WDPCP: variants seen among roughly 807,000 people sequenced by gnomAD.
WDPCP encodes WD repeat containing planar cell polarity effector.
In WDPCP, 71 loss-of-function variants were observed where a neutral mutation model predicts 93.1. The observed-to-expected ratio is 0.76, with a 90% confidence interval of 0.63 to 0.93. The LOEUF (loss-of-function observed/expected upper bound fraction) is 0.93. WDPCP is among the 40% of genes least tolerant of loss of function. The pLI is 0.00. For synonymous variants in WDPCP, 315 were observed against 315.0 expected (o/e 1.00, Z 0.00); for missense variants, 844 against 887.4 (o/e 0.95, Z 0.62).
Position 63,487,457 on chromosome 2 carries a change from T to C in WDPCP, c.198A>G (p.Lys66=), listed in dbSNP as rs1259050276. The change falls in exon 3 of 18, where the codon AAA becomes AAG. Residue 66 remains lysine, a synonymous_variant. Transcript: ENST00000272321. ...DIGIYQYYDK[K]DPPATEHGNL... ...GAATAGGTACTTTACCTGGTGGATCTTTCTTGTCATAATACTGGTAGATCC... is the reference window on the plus strand; with the variant it reads ...GAATAGGTACTTTACCTGGTGGATCCTTCTTGTCATAATACTGGTAGATCC... 3.1e-6 allele frequency: 5 copies of C among 1,590,500 alleles called. No individual in the cohort carries two copies. The highest frequency in any genetic ancestry group is 4.3e-6 in the Non-Finnish European group (5 of 1,160,184).
At position 63,418,008 on chromosome 2, in the gene WDPCP, A is replaced by G. The variant is rs1054001763; in HGVS notation, c.826-13351T>C. Among the ~76,000 whole-genome samples the G allele has an allele frequency of 6.6e-5, 10 of 152,192 alleles. No individual in the cohort carries two copies. In the East Asian group the frequency reaches 1.9e-3, roughly 29 times the overall value. ...AATACCTGCATTTTAGCAGCTTTAA[A>G]GTTATTAGAGTATACTCTGTTGACT... On this transcript the variant is annotated intron_variant, in intron 9 of 17. Transcript: ENST00000272321.
chr2:63,811,892 C>G (rs1029890025), intron 2 of WDPCP, among the ~76,000 whole-genome samples: 1 of 152,066 alleles, frequency 6.6e-6, no homozygotes, highest in Non-Finnish European at 1.5e-5. Flanking sequence ...GAGACAGGGT[C>G]GCACTCTATC....
At chr2:63,358,592 G>A (rs1244087522) in intron 12 of WDPCP, among the ~76,000 whole-genome samples, 1 of 152,104 alleles carries the variant, frequency 6.6e-6, no homozygotes, top group Non-Finnish European at 1.5e-5. Context: ...GAGCAGCTGG[G>A]ACTACAGGTG....
chr2:63,293,859 C>T (rs543558273), intron 13 of WDPCP, among the ~76,000 whole-genome samples: 3 of 152,168 alleles, frequency 2.0e-5, no homozygotes, highest in South Asian at 4.2e-4. Flanking sequence ...TAGAGCCTAA[C>T]GGACCTGAGA....
intron 1 of WDPCP, among the ~76,000 whole-genome samples, chr2:63,824,121 TC>T (rs755144645): frequency 6.6e-6 from 1 of 152,066 alleles, no homozygotes; most frequent in African/African-American, 2.4e-5. Context: ...AGGGGTAGTT[TC>T]CCCCATGCCG....
intron 13 of WDPCP, among the ~76,000 whole-genome samples, chr2:63,290,528 G>T (rs1462421375): frequency 1.3e-5 from 2 of 152,082 alleles, no homozygotes; most frequent in African/African-American, 4.8e-5. Flanking sequence ...ATTCTTTCAT[G>T]TAGAGACGAG....
At chr2:63,338,565 AAAAAATATATATAT>A (rs1299211793) in intron 12 of WDPCP, among the ~76,000 whole-genome samples, 4,013 of 40,386 alleles carry the variant, frequency 0.099, 399 homozygotes, top group Non-Finnish European at 0.14. Flanking sequence ...AAAAAAAAAA[AAAAAATATATATAT>A]ATATATATAT....
intron 13 of WDPCP, among the ~76,000 whole-genome samples, chr2:63,296,004 G>C (rs1684824984): frequency 6.6e-6 from 1 of 151,416 alleles, no homozygotes; most frequent in Non-Finnish European, 1.5e-5. Flanking sequence ...AATAATACAG[G>C]CCAGTATTCC....
intron 14 of WDPCP, among the ~76,000 whole-genome samples, chr2:63,240,803 A>T (rs1308231504): frequency 1.3e-5 from 2 of 152,220 alleles, no homozygotes; most frequent in Non-Finnish European, 2.9e-5. Flanking sequence ...AAAGAAAAAC[A>T]GAAGGGCTAA....
intron 12 of WDPCP, among the ~76,000 whole-genome samples, chr2:63,371,350 A>G (rs1575254149): frequency 1.3e-5 from 2 of 152,128 alleles, no homozygotes; most frequent in African/African-American, 4.8e-5. Context: ...AATTACTGCA[A>G]TAGCCTCCCA....
At chr2:63,656,779 TAAAC>T (rs1249213593) in intron 2 of WDPCP, among the ~76,000 whole-genome samples, 5 of 152,026 alleles carry the variant, frequency 3.3e-5, no homozygotes, top group East Asian at 1.9e-4. Context: ...AATAAAATAA[TAAAC>T]AAAGGCTATC....
At chr2:63,173,832 A>G (rs1673584241) in intron 15 of WDPCP, among the ~76,000 whole-genome samples, 1 of 152,176 alleles carries the variant, frequency 6.6e-6, no homozygotes, top group Admixed American at 6.5e-5. Context: ...TGAGGGTATT[A>G]TAGGTGGGTA....
intron 9 of WDPCP, among the ~76,000 whole-genome samples, chr2:63,429,755 G>A (rs769020927): frequency 2.6e-5 from 4 of 152,110 alleles, no homozygotes; most frequent in Non-Finnish European, 5.9e-5. Flanking sequence ...AATTAGTCCA[G>A]CCACTGTGGA....
intron 2 of WDPCP, among the ~76,000 whole-genome samples, chr2:63,752,876 T>A (rs1669905410): frequency 6.6e-6 from 1 of 151,946 alleles, no homozygotes; most frequent in Non-Finnish European, 1.5e-5. Flanking sequence ...ATTTTTTAAG[T>A]AGAGATGGGG....
chr2:63,277,468 A>G (rs1186888380), intron 13 of WDPCP, among the ~76,000 whole-genome samples: 1 of 152,230 alleles, frequency 6.6e-6, no homozygotes, highest in East Asian at 1.9e-4. Context: ...GGCAGAATGC[A>G]TAAGAATTCA....
chr2:63,264,405 C>T (rs549635904), intron 13 of WDPCP, among the ~76,000 whole-genome samples: 436 of 152,232 alleles, frequency 2.9e-3, no homozygotes, highest in Middle Eastern at 3.4e-3. Flanking sequence ...TTTGGGAGGC[C>T]GAGGCGGGTG....
rs535609926 is a variant in WDPCP at position 63,793,395 on chromosome 2, G to A, written n.308+20227C>T. Among the ~76,000 whole-genome samples the A allele has an allele frequency of 4.4e-4, 67 of 152,254 alleles. 1 individual carries two copies. In the East Asian group the frequency reaches 0.012, roughly 27 times the overall value. On this transcript the variant is annotated intron_variant and non_coding_transcript_variant, in intron 2 of 4. Transcript: ENST00000467687. ...AGCTGAGGTGGGAGAGCTGCTTGAG[G>A]TCAGGAGTTCAAGACCAACGTGAGC...
chr2:63,258,275 A>C (rs1389135267), intron 14 of WDPCP, among the ~76,000 whole-genome samples: 1 of 152,148 alleles, frequency 6.6e-6, no homozygotes, highest in African/African-American at 2.4e-5. Context: ...GAGATATGAA[A>C]GTGGTCTAAT....
chr2:63,247,051 T>C (rs1406223686), intron 14 of WDPCP, among the ~76,000 whole-genome samples: 1 of 152,090 alleles, frequency 6.6e-6, no homozygotes, highest in Non-Finnish European at 1.5e-5. Context: ...CAAAAAGAAA[T>C]TTGTAAGACA....
Sources: allele counts gnomAD v4.1 joint callset (sites outside exome capture counted in the v4.1 genomes callset), GRCh38; gene constraint gnomAD v4.1.1; transcripts MANE v1.5; gene names NCBI Gene and HGNC (gene_info 2026-07-23, HGNC 2026-07-21).